Variants in MYRF observed in about 807,000 individuals in gnomAD.
MYRF encodes the protein myelin gene regulatory factor.
MYRF carries 16 observed loss-of-function variants against 126.3 expected under a neutral mutation model. That is an observed-to-expected ratio of 0.13 (90% CI 0.09 to 0.19). The LOEUF (loss-of-function observed/expected upper bound fraction) is 0.19, where lower values mean the gene tolerates loss of function less well. Among genes scored for constraint, MYRF ranks in the 10% least tolerant of loss-of-function variants. MYRF has a pLI of 1.00. For missense variants in MYRF, 1,104 were observed against 1,547.0 expected, an observed-to-expected ratio of 0.71 and a Z score of 4.80; for synonymous variants, 608 against 635.3, an observed-to-expected ratio of 0.96 and a Z score of 0.65.
chr11:61,752,678 C>T lies in MYRF; in HGVS notation c.-67C>T, dbSNP rs1447010619. The T allele has an allele frequency of 1.2e-5, 14 of 1,199,334 alleles. No individual in the cohort carries two copies. Among genetic ancestry groups the T allele is most frequent in the Non-Finnish European group, 1.0e-6 (1 of 956,344 alleles). The allele number at this position is 1,199,334 out of a possible 1,614,324, so 74.3% of individuals were successfully genotyped here. A position where few individuals can be genotyped will look rare whatever the true frequency, so the allele number is the denominator to read the frequency against. On this transcript the variant is annotated 5_prime_UTR_variant, in exon 1 of 27. Coordinates refer to ENST00000278836, the MANE Select transcript of MYRF (RefSeq NM_001127392.3). ...GGGACTGTCGCGCGGGCCGCGCCGG[C>T]GATGCCGCGCCCCCGGGCCGGGCTG...
chr11:61,773,295 T>G (rs948346686), intron 7 of MYRF, among the ~76,000 whole-genome samples: 2 of 152,150 alleles, frequency 1.3e-5, no homozygotes, highest in Non-Finnish European at 2.9e-5. Flanking sequence ...GCCCAGTTGC[T>G]CTTTTTACTG....
In MYRF at chr11:61,779,587, A is replaced by G; in HGVS notation, c.2247+17A>G. 6.7e-7 allele frequency: 1 copy of G among 1,484,656 alleles called. No individual in the cohort carries two copies. Among genetic ancestry groups the G allele is most frequent in the Non-Finnish European group, 8.9e-7 (1 of 1,117,394 alleles). The allele number at this position is 1,484,656 out of a possible 1,614,324, so 92.0% of individuals were successfully genotyped here. On this transcript the variant is annotated intron_variant, in intron 16 of 26. Coordinates refer to ENST00000278836, the MANE Select transcript of MYRF (RefSeq NM_001127392.3). ...GCCAGCAAGGTAGGGGTGAGCAGGG[A>G]TGGCAGGCGGGTTGGAAAGGGGGCC...
At chr11:61,768,577 G>T (rs2066126134) in intron 3 of MYRF, 1 of 152,222 alleles carries the variant, frequency 6.6e-6, no homozygotes, top group African/African-American at 2.4e-5. Context: ...TCCACAACAG[G>T]GCCATGGCCT....
Position 61,786,571 on chromosome 11 carries a change from CA to C in MYRF, c.*429del, listed in dbSNP as rs1488805115. On this transcript the variant is annotated 3_prime_UTR_variant, in exon 27 of 27. Transcript: ENST00000278836. This position sits in a 1 kb window ranked among gnomAD's most constrained non-coding sequence, Gnocchi z 4.5. ...AGGACCTGCCCACCTTTGAGATCAG[CA>C]GGGGGCTCGGATCCAGCCCTAAGAG... 5.1e-6 allele frequency: 1 copy of C among 197,336 alleles called. No homozygotes were observed. The highest frequency in any genetic ancestry group is 1.1e-5 in the Non-Finnish European group (1 of 95,030). 12.2% of individuals were successfully genotyped at this position (197,336 alleles called of 1,614,324 possible).
In MYRF at chr11:61,786,604, G is replaced by C. The variant is rs2135913851; in HGVS notation, c.*461G>C. The C allele has an allele frequency of 5.6e-6, 1 of 177,980 alleles. No individual in the cohort carries two copies. The highest frequency in any genetic ancestry group is 1.5e-4 in the East Asian group (1 of 6,886). 11.0% of individuals were successfully genotyped at this position (177,980 alleles called of 1,614,324 possible). A position where few individuals can be genotyped will look rare whatever the true frequency, so the allele number is the denominator to read the frequency against. On this transcript the variant is annotated 3_prime_UTR_variant, in exon 27 of 27. Transcript: ENST00000278836. The surrounding 1 kb of genome is among the most constrained non-coding windows in gnomAD (Gnocchi z 4.5). ...TCGGATCCAGCCCTAAGAGACTTGG[G>C]TGGACCCCCATGAGTCAATGGAGGG...
Position 61,778,857 on chromosome 11 carries a change from C to G in MYRF, c.2013+368C>G, listed in dbSNP as rs1172969200. 5.5e-6 allele frequency: 3 copies of G among 548,106 alleles called. No individual in the cohort carries two copies. Among genetic ancestry groups the G allele is most frequent in the South Asian group, 4.6e-5 (3 of 65,450 alleles). The allele number at this position is 548,106 out of a possible 1,614,324, so 34.0% of individuals were successfully genotyped here. Reference sequence around the variant, plus strand: ...AGGACGACGTTTGTCACTTACCTGTCCTGAGTCTGGGCGCCAAGGAGGCAT... The same window carrying G: ...AGGACGACGTTTGTCACTTACCTGTGCTGAGTCTGGGCGCCAAGGAGGCAT... On this transcript the variant is annotated intron_variant, in intron 14 of 26. Transcript: ENST00000278836. The surrounding 1 kb of genome is among the most constrained non-coding windows in gnomAD (Gnocchi z 4.6).
intron 1 of MYRF, chr11:61,755,714 G>T (rs1364299170): frequency 1.5e-6 from 1 of 675,750 alleles, no homozygotes; most frequent in Non-Finnish European, 2.7e-6. Flanking sequence ...GGAGAGACAT[G>T]TTAGAGTATG....
intron 1 of MYRF, among the ~76,000 whole-genome samples, chr11:61,756,639 T>C (rs2238002): frequency 0.021 from 2,704 of 130,404 alleles, 112 homozygotes; most frequent in East Asian, 0.16. Context: ...GGGCAGGAAG[T>C]GCTCTCCGGG....
chr11:61,777,607 T>A lies in MYRF; in HGVS notation c.1792-127T>A. The A allele has an allele frequency of 1.5e-6, 2 of 1,320,888 alleles. No homozygotes were observed. Among genetic ancestry groups the A allele is most frequent in the Non-Finnish European group, 2.1e-6 (2 of 955,334 alleles). 81.8% of individuals were successfully genotyped at this position (1,320,888 alleles called of 1,614,324 possible). A position where few individuals can be genotyped will look rare whatever the true frequency, so the allele number is the denominator to read the frequency against. On this transcript the variant is annotated intron_variant, in intron 12 of 26. Coordinates refer to ENST00000278836, the MANE Select transcript of MYRF (RefSeq NM_001127392.3). This position sits in a 1 kb window ranked among gnomAD's most constrained non-coding sequence, Gnocchi z 8.8. ...GAGGGAGGCTGGCCTCGAATCCCGA[T>A]CTAACCACTCCAGTGGTGGGGTCTC... is the stretch of plus-strand genomic sequence containing the variant.
chr11:61,777,398 G>A lies in MYRF; in HGVS notation c.1725G>A (p.Gly575=), dbSNP rs1450138600. The change falls in exon 12 of 27, where the codon GGG becomes GGA. Residue 575 remains glycine, a synonymous_variant. Transcript: ENST00000278836. This position sits in a 1 kb window ranked among gnomAD's most constrained non-coding sequence, Gnocchi z 8.8. The part of the protein sequence containing the change: ...DRPDEALVVH[G]NVKVMGSLMH... Reference sequence around the variant, plus strand: ...CGGATGAGGCGCTGGTTGTGCACGGGAATGTCAAGGTCATGGGCTCGCTTA... The same window carrying A: ...CGGATGAGGCGCTGGTTGTGCACGGAAATGTCAAGGTCATGGGCTCGCTTA... 1 of 1,613,900 alleles carries A rather than the reference G, an allele frequency of 6.2e-7. No homozygotes were observed. The highest frequency in any genetic ancestry group is 1.1e-5 in the South Asian group (1 of 91,076).
Position 61,766,993 on chromosome 11 carries a change from G to T in MYRF, c.398+772G>T, listed in dbSNP as rs1193066599. The T allele has an allele frequency of 3.5e-5, 16 of 455,882 alleles. No individual in the cohort carries two copies. The Admixed American group carries it at 3.8e-4, about 11-fold the overall frequency. 28.2% of individuals were successfully genotyped at this position (455,882 alleles called of 1,614,324 possible). ...TCCCCATTTATCAGCCGTCTGCCTC[G>T]GTAACCCATGGCCTCAGTTTCTTCT... is the stretch of plus-strand genomic sequence containing the variant. On this transcript the variant is annotated intron_variant, in intron 3 of 26. Transcript: ENST00000278836.
In MYRF at chr11:61,780,286, G is replaced by C; in HGVS notation, c.2401G>C (p.Asp801His). Residue 801 changes from aspartate to histidine, a missense_variant, in exon 18 of 27, where the codon GAT becomes CAT. Asp to His is a moderately conservative substitution (Grantham distance 81, BLOSUM62 -1). This residue lies in a region of MYRF where 323 missense variants were observed against 383.1 expected (regional missense o/e 0.84). Transcript: ENST00000278836. ...LRTEEDLVDT[D>H]GSFAVSTSCL... ...CACAGAGGAGGACCTGGTAGACACTGATGGGTAGGTTCCTGGAGGCCAAGC... is the reference window on the plus strand; with the variant it reads ...CACAGAGGAGGACCTGGTAGACACTCATGGGTAGGTTCCTGGAGGCCAAGC... 2 of 1,612,462 alleles carry C rather than the reference G, an allele frequency of 1.2e-6. No individual in the cohort carries two copies. The highest frequency in any genetic ancestry group is 1.7e-6 in the Non-Finnish European group (2 of 1,179,114).
chr11:61,755,219 G>A (rs571518289), intron 1 of MYRF, among the ~76,000 whole-genome samples: 9 of 152,324 alleles, frequency 5.9e-5, no homozygotes, highest in African/African-American at 1.7e-4. Context: ...CACACACCAA[G>A]CATAGGTGCT....
chr11:61,780,439 C>T (rs2066511925), intron 18 of MYRF, 149 bp downstream of exon 18: 1 of 760,772 alleles, frequency 1.3e-6, no homozygotes, highest in African/African-American at 1.8e-5. Context: ...CCAGGGAGGG[C>T]CTCCTTGGAG....
chr11:61,755,761 G>A, intron 1 of MYRF: 1 of 592,906 alleles, frequency 1.7e-6, no homozygotes, highest in Admixed American at 2.2e-5. Flanking sequence ...GCTGGCCCTA[G>A]ATTCTAGGGG....
chr11:61,786,195 CCCCAACA>C lies in MYRF; in HGVS notation c.*54_*60del. On this transcript the variant is annotated 3_prime_UTR_variant, in exon 27 of 27. Transcript: ENST00000278836. This position sits in a 1 kb window ranked among gnomAD's most constrained non-coding sequence, Gnocchi z 4.5. Reference sequence around the variant, plus strand: ...CAGGGACCAGGGGTGCCCAGGCACCCCCCAACACTGGATGCAATGGTGTTACACTGGA... The same window carrying C: ...CAGGGACCAGGGGTGCCCAGGCACCCCTGGATGCAATGGTGTTACACTGGA... 7 of 1,548,932 alleles carry C rather than the reference CCCCAACA, an allele frequency of 4.5e-6. No individual in the cohort carries two copies. Among genetic ancestry groups the C allele is most frequent in the Non-Finnish European group, 6.2e-6 (7 of 1,121,992 alleles).
intron 1 of MYRF, among the ~76,000 whole-genome samples, chr11:61,760,032 G>A (rs1434240071): frequency 1.3e-5 from 2 of 151,616 alleles, no homozygotes; most frequent in Non-Finnish European, 2.9e-5. Flanking sequence ...GTGGTGGCAC[G>A]ATCTCGGCTC....
rs372575659 is a variant in MYRF at position 61,765,707 on chromosome 11, C to T, written c.129C>T (p.Ser43=). 991 of 1,611,794 alleles carry T rather than the reference C, an allele frequency of 6.1e-4. 2 individuals are homozygous for T. The highest frequency in any genetic ancestry group is 7.9e-4 in the Non-Finnish European group (931 of 1,179,484). ...AGTACATCAGCAAGGAGGATGCCTC[C>T]GACCTGTGAGTGGCCCCCTCGCCCG... ...LEEYISKEDA[S]DLCFPDISAP... The change falls in exon 2 of 27, where the codon TCC becomes TCT. Residue 43 remains serine, a synonymous_variant. Transcript: ENST00000278836.
intron 7 of MYRF, among the ~76,000 whole-genome samples, chr11:61,772,157 C>T (rs2066241807): frequency 6.6e-6 from 1 of 152,190 alleles, no homozygotes; most frequent in South Asian, 2.1e-4. Context: ...GTGATGACTG[C>T]CAGGGAGGGG....
Sources: allele counts gnomAD v4.1 joint callset (sites outside exome capture counted in the v4.1 genomes callset), GRCh38; gene constraint gnomAD v4.1.1; regional missense constraint gnomAD v4.1.1; non-coding constraint Gnocchi (gnomAD v3.1); transcripts MANE v1.5; gene names NCBI Gene and HGNC (gene_info 2026-07-23, HGNC 2026-07-21).